NKAIN3: variants seen among roughly 807,000 people sequenced by gnomAD.
NKAIN3 encodes the protein sodium/potassium transporting ATPase interacting 3.
In NKAIN3, 25 loss-of-function variants were observed where a neutral mutation model predicts 30.2. The ratio of observed to expected loss-of-function variants is 0.83; its 90% CI spans 0.60 to 1.16. The LOEUF (loss-of-function observed/expected upper bound fraction) is 1.16. Among genes scored for constraint, NKAIN3 ranks in the 50% most tolerant of loss-of-function variants. The probability of loss-of-function intolerance (pLI) is 0.00; values close to 1 mark genes in which losing one functional copy is unlikely to be tolerated. For synonymous variants in NKAIN3, 91 were observed against 89.6 expected, an observed-to-expected ratio of 1.02 and a Z score of -0.09; for missense variants, 225 against 254.1, an observed-to-expected ratio of 0.89 and a Z score of 0.78.
At chr8:62,566,154 C>T (rs1183543529) in intron 1 of NKAIN3, among the ~76,000 whole-genome samples, 1 of 152,080 alleles carries the variant, frequency 6.6e-6, no homozygotes, top group East Asian at 1.9e-4. Flanking sequence ...GTTCTGCCCC[C>T]ACCTTTTTCT....
chr8:62,970,326 G>A lies in NKAIN3; in HGVS notation c.*4919G>A, dbSNP rs1226239278. 2.0e-5 allele frequency among the ~76,000 whole-genome samples: 3 copies of A among 151,922 alleles called. No homozygotes were observed. The highest frequency in any genetic ancestry group is 4.4e-5 in the Non-Finnish European group (3 of 67,964). The stretch of plus-strand genomic sequence containing the variant: ...ATTATCAAAAAATTCAAAAGTTATG[G>A]GTAGCATCTCTTTTTCATCTGAAAA... On this transcript the variant is annotated 3_prime_UTR_variant, in exon 7 of 7. Transcript: ENST00000623646.
chr8:62,693,690 A>G (rs1436497362), intron 3 of NKAIN3, among the ~76,000 whole-genome samples: 1 of 152,182 alleles, frequency 6.6e-6, no homozygotes, highest in African/African-American at 2.4e-5. Context: ...AGTATGGATA[A>G]AAGTACCCAA....
At chr8:62,776,966 C>G (rs1817210244) in intron 4 of NKAIN3, among the ~76,000 whole-genome samples, 1 of 152,108 alleles carries the variant, frequency 6.6e-6, no homozygotes, top group Non-Finnish European at 1.5e-5. Flanking sequence ...AATATTTTCA[C>G]TGGATATACT....
intron 1 of NKAIN3, among the ~76,000 whole-genome samples, chr8:62,291,616 T>A (rs1355220031): frequency 6.6e-6 from 1 of 152,214 alleles, no homozygotes; most frequent in Non-Finnish European, 1.5e-5. Context: ...TTGTTATAAT[T>A]TCTGTTCTTT....
chr8:62,258,771 A>G (rs970164525), intron 1 of NKAIN3, among the ~76,000 whole-genome samples: 1 of 152,224 alleles, frequency 6.6e-6, no homozygotes, highest in African/African-American at 2.4e-5. Flanking sequence ...ATGCTTTGGG[A>G]AAAAGATGAC....
intron 1 of NKAIN3, among the ~76,000 whole-genome samples, chr8:62,560,185 A>G (rs1452551027): frequency 1.3e-5 from 2 of 152,178 alleles, no homozygotes; most frequent in African/African-American, 2.4e-5. Flanking sequence ...GCTGCTATCA[A>G]TATAAATTTA....
chr8:62,709,009 C>G (rs1236054426), intron 3 of NKAIN3, among the ~76,000 whole-genome samples: 1 of 151,990 alleles, frequency 6.6e-6, no homozygotes, highest in African/African-American at 2.4e-5. Context: ...ATTCTGTTTA[C>G]ATGGTGTATC....
intron 3 of NKAIN3, among the ~76,000 whole-genome samples, chr8:62,722,119 C>A (rs114939019): frequency 0.038 from 5,792 of 152,162 alleles, 384 homozygotes; most frequent in African/African-American, 0.13. Context: ...AGGAGAACAA[C>A]CAGAAATTGA....
intron 4 of NKAIN3, among the ~76,000 whole-genome samples, chr8:62,851,084 A>G (rs1438134807): frequency 6.6e-6 from 1 of 152,068 alleles, no homozygotes; most frequent in Non-Finnish European, 1.5e-5. Flanking sequence ...CTTCCTACCC[A>G]TGAGCATGGA....
At chr8:62,474,903 A>T (rs1451836) in intron 1 of NKAIN3, among the ~76,000 whole-genome samples, 1 of 151,954 alleles carries the variant, frequency 6.6e-6, no homozygotes, top group African/African-American at 2.4e-5. Flanking sequence ...TAAAAAGTCA[A>T]TTAAAATTTC....
intron 4 of NKAIN3, chr8:62,862,974 T>C: frequency 2.1e-6 from 1 of 478,258 alleles, no homozygotes; most frequent in Non-Finnish European, 3.8e-6. Context: ...TGCATATATG[T>C]GTGTGCATGT....
chr8:62,622,011 T>C (rs1811630441), intron 3 of NKAIN3, among the ~76,000 whole-genome samples: 1 of 152,054 alleles, frequency 6.6e-6, no homozygotes. Context: ...TGTCTATAAT[T>C]GTGGCATTTC....
intron 1 of NKAIN3, among the ~76,000 whole-genome samples, chr8:62,299,925 C>T (rs1813985274): frequency 6.6e-6 from 1 of 152,032 alleles, no homozygotes; most frequent in Non-Finnish European, 1.5e-5. Context: ...AATTGATATG[C>T]TGCTTTAAAT....
intron 1 of NKAIN3, among the ~76,000 whole-genome samples, chr8:62,365,555 G>A (rs1157022668): frequency 6.6e-6 from 1 of 152,018 alleles, no homozygotes; most frequent in African/African-American, 2.4e-5. Flanking sequence ...CATTTATGTT[G>A]TTTCTAATTT....
intron 1 of NKAIN3, among the ~76,000 whole-genome samples, chr8:62,544,570 A>G (rs148689704): frequency 2.7e-4 from 41 of 151,446 alleles, no homozygotes; most frequent in Non-Finnish European, 4.9e-4. Flanking sequence ...TTTAAAAACT[A>G]TAGATAACAC....
At chr8:62,786,071 C>A (rs551928513) in intron 4 of NKAIN3, among the ~76,000 whole-genome samples, 48 of 152,092 alleles carry the variant, frequency 3.2e-4, no homozygotes, top group African/African-American at 1.1e-3. Flanking sequence ...CCACCACACC[C>A]CCCTCCCTGC....
chr8:62,871,423 A>C (rs1820642715), intron 4 of NKAIN3, among the ~76,000 whole-genome samples: 1 of 151,710 alleles, frequency 6.6e-6, no homozygotes, highest in East Asian at 1.9e-4. Context: ...AAAAAACAAA[A>C]ACAAACAAAC....
intron 1 of NKAIN3, among the ~76,000 whole-genome samples, chr8:62,354,356 A>G (rs1041242067): frequency 5.9e-5 from 9 of 152,208 alleles, no homozygotes; most frequent in African/African-American, 1.9e-4. Context: ...GCTATTTGCA[A>G]ACTAACTAGT....
Position 62,401,667 on chromosome 8 carries a change from G to A in NKAIN3, c.54+152540G>A, listed in dbSNP as rs538404196. 5.3e-5 allele frequency among the ~76,000 whole-genome samples: 8 copies of A among 152,278 alleles called. No homozygotes were observed. In the East Asian group the frequency reaches 5.8e-4, roughly 11 times the overall value. Reference sequence around the variant, plus strand: ...GGAGGAACCCCACGCCCAGTAACTCGAAGGATCTTGATGACTCCTAGAAGT... The same window carrying A: ...GGAGGAACCCCACGCCCAGTAACTCAAAGGATCTTGATGACTCCTAGAAGT... On this transcript the variant is annotated intron_variant, in intron 1 of 6. Coordinates refer to ENST00000623646, the MANE Select transcript of NKAIN3 (RefSeq NM_001304533.3).
Sources: allele counts gnomAD v4.1 joint callset (sites outside exome capture counted in the v4.1 genomes callset), GRCh38; gene constraint gnomAD v4.1.1; transcripts MANE v1.5; gene names NCBI Gene and HGNC (gene_info 2026-07-23, HGNC 2026-07-21).